Variants in PCCA observed in about 807,000 individuals in gnomAD.
PCCA encodes the protein propionyl-CoA carboxylase subunit alpha, also known as propionyl-CoA carboxylase alpha chain, mitochondrial.
Under a neutral mutation model 101.3 loss-of-function variants are expected in PCCA, and 74 were observed. That is an observed-to-expected ratio of 0.73 (90% CI 0.61 to 0.89). PCCA has a LOEUF of 0.89. Ranked by LOEUF, PCCA falls within the 40% of genes least tolerant of loss-of-function variation. PCCA has a pLI of 0.00. For synonymous variants in PCCA, 294 were observed against 313.6 expected, an observed-to-expected ratio of 0.94 and a Z score of 0.66; for missense variants, 891 against 907.0, an observed-to-expected ratio of 0.98 and a Z score of 0.23.
rs368396482 is a variant in PCCA at position 100,383,317 on chromosome 13, A to G, written c.1746+14743A>G. Among the ~76,000 whole-genome samples, 166 of 151,962 alleles carry G rather than the reference A, an allele frequency of 1.1e-3. 6 individuals carry two copies. In the South Asian group the frequency reaches 0.031, roughly 29 times the overall value. On this transcript the variant is annotated intron_variant, in intron 19 of 23. Transcript: ENST00000376285. ...TGTGATTTCAAGTTTTATCCAAGCA[A>G]TATTTTTTGAGAGCAATATAAGATT...
intron 7 of PCCA, among the ~76,000 whole-genome samples, chr13:100,235,597 C>G (rs964638044): frequency 1.3e-5 from 2 of 152,174 alleles, no homozygotes; most frequent in Non-Finnish European, 2.9e-5. Flanking sequence ...ATTGGCAATT[C>G]TGGTAGTGCT....
intron 8 of PCCA, among the ~76,000 whole-genome samples, chr13:100,243,783 C>T (rs987227785): frequency 1.3e-5 from 2 of 152,194 alleles, no homozygotes; most frequent in Non-Finnish European, 2.9e-5. Context: ...CCTGTCTCTG[C>T]GTAGTGTGTG....
intron 7 of PCCA, among the ~76,000 whole-genome samples, chr13:100,222,918 A>C (rs2059908574): frequency 6.6e-6 from 1 of 152,192 alleles, no homozygotes; most frequent in Admixed American, 6.5e-5. Context: ...TGTGTGCAGT[A>C]CTTCAGTGGT....
chr13:100,515,343 TA>T (rs2152998080), intron 21 of PCCA, 83 bp from the exon 22 acceptor site: 1 of 1,278,986 alleles, frequency 7.8e-7, no homozygotes, highest in African/African-American at 1.5e-5. Flanking sequence ...ATTTAAAAGC[TA>T]AAAATTGATT....
intron 12 of PCCA, among the ~76,000 whole-genome samples, chr13:100,291,720 T>A (rs1217583814): frequency 6.6e-6 from 1 of 152,188 alleles, no homozygotes; most frequent in African/African-American, 2.4e-5. Flanking sequence ...GAAGAGCATA[T>A]GTCTCCTAGC....
chr13:100,209,872 T>A (rs1448432630), intron 7 of PCCA, among the ~76,000 whole-genome samples: 1 of 152,122 alleles, frequency 6.6e-6, no homozygotes, highest in Non-Finnish European at 1.5e-5. Context: ...CCCCAGGTGA[T>A]CTGCCTGCTT....
chr13:100,275,298 G>A (rs950934632), intron 12 of PCCA, among the ~76,000 whole-genome samples: 3 of 152,130 alleles, frequency 2.0e-5, no homozygotes, highest in Admixed American at 1.3e-4. Context: ...GGGTGCAGGA[G>A]GGCTGTTTTC....
At chr13:100,285,857 C>G (rs993240898) in intron 12 of PCCA, among the ~76,000 whole-genome samples, 1 of 152,098 alleles carries the variant, frequency 6.6e-6, no homozygotes, top group Non-Finnish European at 1.5e-5. Flanking sequence ...GAATGGGATA[C>G]GAAGGGCAGG....
At chr13:100,513,158 C>T (rs976988717) in intron 21 of PCCA, among the ~76,000 whole-genome samples, 5 of 152,346 alleles carry the variant, frequency 3.3e-5, no homozygotes, top group South Asian at 4.1e-4. Flanking sequence ...TTTAAGAAGG[C>T]GTGTTTGTGT....
intron 20 of PCCA, among the ~76,000 whole-genome samples, chr13:100,442,434 C>T (rs1250277873): frequency 6.6e-6 from 1 of 152,216 alleles, no homozygotes; most frequent in Non-Finnish European, 1.5e-5. Context: ...CCTATGGTCA[C>T]ACATTCATTG....
At chr13:100,173,587 C>G (rs776347510) in intron 6 of PCCA, among the ~76,000 whole-genome samples, 3 of 152,162 alleles carry the variant, frequency 2.0e-5, no homozygotes, top group Non-Finnish European at 4.4e-5. Flanking sequence ...TTCTGCAAAG[C>G]AAAATAGAGT....
intron 21 of PCCA, among the ~76,000 whole-genome samples, chr13:100,506,822 T>G (rs2086119390): frequency 6.6e-6 from 1 of 152,180 alleles, no homozygotes; most frequent in South Asian, 2.1e-4. Flanking sequence ...ATGGTACACT[T>G]CCTCACCGCG....
intron 6 of PCCA, among the ~76,000 whole-genome samples, chr13:100,160,378 C>G (rs1399585668): frequency 6.6e-6 from 1 of 152,000 alleles, no homozygotes; most frequent in African/African-American, 2.4e-5. Context: ...TGGCACGAGC[C>G]TTTGATCCCA....
chr13:100,156,694 C>T (rs1056334773), intron 5 of PCCA, among the ~76,000 whole-genome samples: 4 of 152,032 alleles, frequency 2.6e-5, no homozygotes, highest in Admixed American at 2.6e-4. Flanking sequence ...AAAGTAAAAC[C>T]ACACCTCCAT....
At chr13:100,187,010 T>C (rs1172980634) in intron 6 of PCCA, among the ~76,000 whole-genome samples, 1 of 152,138 alleles carries the variant, frequency 6.6e-6, no homozygotes, top group Non-Finnish European at 1.5e-5. Context: ...TATGTAAACA[T>C]TAGTGTTAGA....
At chr13:100,393,654 T>A (rs1428353401) in intron 19 of PCCA, among the ~76,000 whole-genome samples, 1 of 152,076 alleles carries the variant, frequency 6.6e-6, no homozygotes, top group Non-Finnish European at 1.5e-5. Context: ...CTTGATCTCA[T>A]GATCTGTACA....
intron 21 of PCCA, among the ~76,000 whole-genome samples, chr13:100,487,104 A>G (rs1197206243): frequency 2.0e-5 from 3 of 152,242 alleles, no homozygotes; most frequent in African/African-American, 7.2e-5. Flanking sequence ...GTGCTAATTA[A>G]AAGTAGCTGA....
intron 4 of PCCA, 127 bp downstream of exon 4, chr13:100,112,188 C>A: frequency 1.4e-6 from 1 of 702,874 alleles, no homozygotes; most frequent in Non-Finnish European, 2.5e-6. Context: ...TTTACTTGTT[C>A]ACTGTTGTGT....
intron 20 of PCCA, among the ~76,000 whole-genome samples, chr13:100,431,685 T>G (rs1212587108): frequency 1.3e-5 from 2 of 151,232 alleles, no homozygotes; most frequent in Middle Eastern, 3.2e-3. Flanking sequence ...GCTAACACAG[T>G]GAAACCCCAT....
Sources: allele counts gnomAD v4.1 joint callset (sites outside exome capture counted in the v4.1 genomes callset), GRCh38; gene constraint gnomAD v4.1.1; transcripts MANE v1.5; gene names NCBI Gene and HGNC (gene_info 2026-07-23, HGNC 2026-07-21).